The following CPNE4 variants were observed in gnomAD, a reference collection of about 807,000 sequenced individuals.
The protein encoded by CPNE4 is copine 4.
A neutral mutation model predicts 67.9 loss-of-function variants in CPNE4; 25 were observed. The observed-to-expected ratio is 0.37, with a 90% CI of 0.27 to 0.51. CPNE4 has a LOEUF of 0.51. CPNE4 is among the 20% of genes least tolerant of loss of function. The pLI, the probability that CPNE4 is intolerant of heterozygous loss-of-function variation, is 0.93. For missense variants in CPNE4, 464 were observed against 690.8 expected, an observed-to-expected ratio of 0.67 and a Z score of 3.68; for synonymous variants, 242 against 244.9, an observed-to-expected ratio of 0.99 and a Z score of 0.11.
chr3:131,671,569 A>T (rs1489814265), intron 6 of CPNE4, among the ~76,000 whole-genome samples: 1 of 152,002 alleles, frequency 6.6e-6, no homozygotes, highest in Admixed American at 6.6e-5. Context: ...AATCAATGTC[A>T]TGTTGCTTCA....
chr3:131,655,998 T>C (rs1488271557), intron 7 of CPNE4, among the ~76,000 whole-genome samples: 1 of 151,376 alleles, frequency 6.6e-6, no homozygotes, highest in Non-Finnish European at 1.5e-5. Flanking sequence ...ATTTTAGGCC[T>C]CTTTCCCCTC....
At chr3:131,894,860 G>C (rs908593038) in intron 2 of CPNE4, among the ~76,000 whole-genome samples, 2 of 151,940 alleles carry the variant, frequency 1.3e-5, no homozygotes, top group African/African-American at 4.8e-5. Context: ...CCACTACCAA[G>C]CATATATCCA....
At chr3:131,950,709 A>G (rs974200999) in intron 1 of CPNE4, among the ~76,000 whole-genome samples, 20 of 152,232 alleles carry the variant, frequency 1.3e-4, no homozygotes, top group African/African-American at 4.6e-4. Flanking sequence ...CCTGGATATT[A>G]AAATATAGCC....
intron 7 of CPNE4, among the ~76,000 whole-genome samples, chr3:131,657,455 A>T (rs1421905948): frequency 6.6e-6 from 1 of 152,014 alleles, no homozygotes; most frequent in Non-Finnish European, 1.5e-5. Flanking sequence ...CATTGACAAG[A>T]TATACTGTGG....
chr3:131,811,102 C>G (rs1560370342), intron 2 of CPNE4, among the ~76,000 whole-genome samples: 1 of 152,022 alleles, frequency 6.6e-6, no homozygotes, highest in Non-Finnish European at 1.5e-5. Flanking sequence ...ATCTATTATA[C>G]AGTATAATGC....
chr3:131,886,268 C>T (rs944657025), intron 2 of CPNE4, among the ~76,000 whole-genome samples: 1 of 152,206 alleles, frequency 6.6e-6, no homozygotes, highest in Non-Finnish European at 1.5e-5. Context: ...GTCTGTGGTG[C>T]AAGCCCCAAG....
intron 6 of CPNE4, among the ~76,000 whole-genome samples, chr3:131,679,074 G>C (rs868606406): frequency 6.6e-6 from 1 of 152,050 alleles, no homozygotes; most frequent in African/African-American, 2.4e-5. Flanking sequence ...TGGTTGGTTG[G>C]TAGGCTATTT....
intron 3 of CPNE4, among the ~76,000 whole-genome samples, chr3:131,720,859 T>C (rs1342563116): frequency 6.6e-6 from 1 of 152,158 alleles, no homozygotes; most frequent in African/African-American, 2.4e-5. Flanking sequence ...AAAAACCAAA[T>C]GAAGATGCTC....
intron 1 of CPNE4, among the ~76,000 whole-genome samples, chr3:131,987,005 G>A (rs1245383888): frequency 6.6e-6 from 1 of 152,126 alleles, no homozygotes; most frequent in Non-Finnish European, 1.5e-5. Context: ...CAGAATCTCT[G>A]GAAGTGGTAC....
At chr3:131,826,161 T>C (rs2085151264) in intron 2 of CPNE4, among the ~76,000 whole-genome samples, 1 of 152,154 alleles carries the variant, frequency 6.6e-6, no homozygotes, top group South Asian at 2.1e-4. Flanking sequence ...CTGTATATTC[T>C]AAAACATCAG....
intron 9 of CPNE4, among the ~76,000 whole-genome samples, chr3:131,579,355 G>T (rs756901150): frequency 1.2e-4 from 18 of 152,144 alleles, no homozygotes; most frequent in Non-Finnish European, 2.5e-4. Flanking sequence ...TCACCCAAAA[G>T]CTCTGATGGA....
intron 3 of CPNE4, 74 bp from the exon 4 acceptor site, chr3:131,700,054 C>CTTTT (rs3035263): frequency 8.9e-4 from 227 of 254,654 alleles, no homozygotes; most frequent in South Asian, 1.2e-3. Flanking sequence ...TTTTTTAAAC[C>CTTTT]TTTTTTTTTT....
At position 131,733,890 on chromosome 3, in the gene CPNE4, C is replaced by T. The variant is rs1010066898; in HGVS notation, c.181-10265G>A. Among the ~76,000 whole-genome samples, 5 of 152,190 alleles carry T rather than the reference C, an allele frequency of 3.3e-5. No individual in the cohort carries two copies. In the East Asian group the frequency reaches 5.8e-4, roughly 18 times the overall value. On this transcript the variant is annotated intron_variant, in intron 2 of 15. Coordinates refer to ENST00000429747, the MANE Select transcript of CPNE4 (RefSeq NM_130808.3). ...AAAATAGTGAAGAGGAACTCATCTG[C>T]GGGATGCTGCATATGCACCCCAGGT...
Position 131,951,969 on chromosome 3 carries a change from T to C in CPNE4, c.-1-46525A>G, listed in dbSNP as rs551381038. ...CTCCCAAAGTGCCAAGATTGCAGCC[T>C]CTGCCCAGCCGCCACCCCGTCTGGG... is the stretch of plus-strand genomic sequence containing the variant. On this transcript the variant is annotated intron_variant, in intron 1 of 15. Transcript: ENST00000429747. 7.4e-3 allele frequency among the ~76,000 whole-genome samples: 1,121 copies of C among 152,270 alleles called. 14 individuals carry two copies. Among genetic ancestry groups the C allele is most frequent in the African/African-American group, 0.026 (1,071 of 41,556 alleles).
chr3:131,557,453 C>G lies in CPNE4; in HGVS notation c.1062-1902G>C, dbSNP rs78670719. ...CACCTGACTGATTAAGAGCTCATTACTAGCCAATGATGGTTTTGACAAAAC... is the reference window on the plus strand; with the variant it reads ...CACCTGACTGATTAAGAGCTCATTAGTAGCCAATGATGGTTTTGACAAAAC... On this transcript the variant is annotated intron_variant, in intron 11 of 15. Coordinates refer to ENST00000429747, the MANE Select transcript of CPNE4 (RefSeq NM_130808.3). Among the ~76,000 whole-genome samples, 609 of 152,170 alleles carry G rather than the reference C, an allele frequency of 4.0e-3. 3 individuals are homozygous for G. The highest frequency in any genetic ancestry group is 0.013 in the African/African-American group (556 of 41,546).
chr3:131,792,708 CGTGTATATATGTATATATATACACGT>C (rs1421650216), intron 2 of CPNE4, among the ~76,000 whole-genome samples: 5 of 67,240 alleles, frequency 7.4e-5, no homozygotes, highest in African/African-American at 1.2e-4. Context: ...TATACACACA[CGTGTATATATGTATATATATACACGT>C]GTGTATATAT....
intron 2 of CPNE4, among the ~76,000 whole-genome samples, chr3:131,786,568 A>C (rs1450907489): frequency 6.6e-6 from 1 of 152,186 alleles, no homozygotes; most frequent in South Asian, 2.1e-4. Context: ...GAGAAGCAGA[A>C]GTGAGAGTAA....
chr3:131,863,628 G>T (rs903580915), intron 2 of CPNE4, among the ~76,000 whole-genome samples: 3 of 152,248 alleles, frequency 2.0e-5, no homozygotes, highest in African/African-American at 7.2e-5. Flanking sequence ...TGAGTAGGTT[G>T]TGAAAATTTT....
intron 1 of CPNE4, among the ~76,000 whole-genome samples, chr3:132,014,839 A>G (rs2073854158): frequency 6.6e-6 from 1 of 152,166 alleles, no homozygotes; most frequent in Non-Finnish European, 1.5e-5. Flanking sequence ...TCATGTTAGG[A>G]GAAAGTCGTG....
Sources: allele counts gnomAD v4.1 joint callset (sites outside exome capture counted in the v4.1 genomes callset), GRCh38; gene constraint gnomAD v4.1.1; transcripts MANE v1.5; gene names NCBI Gene and HGNC (gene_info 2026-07-23, HGNC 2026-07-21).